The following OR9Q1 variants were observed in gnomAD, a reference collection of about 807,000 sequenced individuals.
The protein encoded by OR9Q1 is olfactory receptor family 9 subfamily Q member 1.
For synonymous variants in OR9Q1, 153 were observed against 148.6 expected, an observed-to-expected ratio of 1.03 and a Z score of -0.22; for missense variants, 374 against 378.8, an observed-to-expected ratio of 0.99 and a Z score of 0.11.
intron 2 of OR9Q1, among the ~76,000 whole-genome samples, chr11:58,132,955 T>G (rs1854155729): frequency 6.6e-6 from 1 of 152,118 alleles, no homozygotes; most frequent in South Asian, 2.1e-4. Context: ...CCAGCTCCTA[T>G]TAATCCAGCT....
At chr11:58,076,654 A>G (rs1052644458) in intron 2 of OR9Q1, among the ~76,000 whole-genome samples, 3 of 152,076 alleles carry the variant, frequency 2.0e-5, no homozygotes, top group African/African-American at 4.8e-5. Flanking sequence ...TTTAATTATT[A>G]TTATTTCTTT....
chr11:58,162,764 G>A (rs1406015698), intron 2 of OR9Q1, among the ~76,000 whole-genome samples: 9 of 152,198 alleles, frequency 5.9e-5, no homozygotes, highest in Admixed American at 5.9e-4. Flanking sequence ...TGTCAGGTGA[G>A]TGACCTTGGG....
At chr11:58,115,049 T>C (rs1853939599) in intron 2 of OR9Q1, among the ~76,000 whole-genome samples, 1 of 152,190 alleles carries the variant, frequency 6.6e-6, no homozygotes, top group Non-Finnish European at 1.5e-5. Flanking sequence ...TTCAGTTTAA[T>C]CACCTGCCTT....
chr11:58,161,785 G>T (rs1279459375), intron 2 of OR9Q1, among the ~76,000 whole-genome samples: 1 of 152,168 alleles, frequency 6.6e-6, no homozygotes, highest in African/African-American at 2.4e-5. Context: ...TCCCACCTGG[G>T]TCTCCCAAAG....
intron 2 of OR9Q1, among the ~76,000 whole-genome samples, chr11:58,140,828 T>G (rs940440709): frequency 1.8e-4 from 27 of 152,198 alleles, no homozygotes; most frequent in Non-Finnish European, 3.1e-4. Context: ...GTGAAGAAAG[T>G]CATTGGTAGC....
intron 2 of OR9Q1, among the ~76,000 whole-genome samples, chr11:58,132,532 G>C (rs1854150890): frequency 6.6e-6 from 1 of 152,184 alleles, no homozygotes; most frequent in Admixed American, 6.5e-5. Context: ...ATTGCTCTGG[G>C]TACTTTATCT....
chr11:58,034,231 G>C (rs1349218296), intron 1 of OR9Q1, among the ~76,000 whole-genome samples: 1 of 151,632 alleles, frequency 6.6e-6, no homozygotes, highest in Non-Finnish European at 1.5e-5. Context: ...GACTACAGGG[G>C]CCCGCCACCA....
intron 1 of OR9Q1, among the ~76,000 whole-genome samples, chr11:58,038,976 A>G (rs746379280): frequency 6.6e-6 from 1 of 151,820 alleles, no homozygotes; most frequent in Non-Finnish European, 1.5e-5. Flanking sequence ...CTTCTTCTTT[A>G]TTTTTAAATT....
At chr11:58,129,388 C>T (rs561011960) in intron 2 of OR9Q1, among the ~76,000 whole-genome samples, 1 of 152,236 alleles carries the variant, frequency 6.6e-6, no homozygotes, top group East Asian at 1.9e-4. Flanking sequence ...CCATTTTTCT[C>T]ATAGAATCAA....
chr11:58,180,190 T>A lies in OR9Q1; in HGVS notation c.746T>A (p.Leu249His). 2 of 1,614,068 alleles carry A rather than the reference T, an allele frequency of 1.2e-6. No individual in the cohort carries two copies. Among genetic ancestry groups the A allele is most frequent in the Non-Finnish European group, 1.7e-6 (2 of 1,179,968 alleles). Reference protein sequence around the residue: ...TCTSHLTAVSLFFGTLIFMYL... With the variant: ...TCTSHLTAVSHFFGTLIFMYL... ...ACCTCCCACCTCACTGCTGTGTCAC[T>A]CTTCTTTGGTACCCTCATCTTCATG... Residue 249 changes from leucine to histidine, a missense_variant, in exon 3 of 3, where the codon CTC (leucine) becomes CAC (histidine). Leu to His is a moderately conservative substitution (Grantham distance 99). Transcript: ENST00000335397.
intron 2 of OR9Q1, among the ~76,000 whole-genome samples, chr11:58,079,006 C>T (rs1304449791): frequency 3.3e-5 from 5 of 152,202 alleles, no homozygotes; most frequent in Non-Finnish European, 7.3e-5. Flanking sequence ...CAGCACTGAT[C>T]CTTGTAGACC....
chr11:58,058,432 G>A (rs761622815), intron 2 of OR9Q1, among the ~76,000 whole-genome samples: 6 of 152,130 alleles, frequency 3.9e-5, no homozygotes, highest in East Asian at 1.9e-4. Flanking sequence ...CTGGCTACAC[G>A]GCTGGGCGCA....
chr11:58,027,559 C>T (rs1852987736), intron 1 of OR9Q1, among the ~76,000 whole-genome samples: 2 of 151,906 alleles, frequency 1.3e-5, no homozygotes, highest in Admixed American at 1.3e-4. Context: ...TAAATCTGAT[C>T]CTTTACAGAA....
intron 2 of OR9Q1, among the ~76,000 whole-genome samples, chr11:58,071,178 C>T (rs1451718437): frequency 6.6e-6 from 1 of 152,124 alleles, no homozygotes; most frequent in Non-Finnish European, 1.5e-5. Context: ...TTTCCTAAGA[C>T]ACTTAATTTT....
At chr11:58,079,129 G>A (rs1336464006) in intron 2 of OR9Q1, among the ~76,000 whole-genome samples, 1 of 152,198 alleles carries the variant, frequency 6.6e-6, no homozygotes, top group African/African-American at 2.4e-5. Flanking sequence ...AGAGGTTGAA[G>A]ATGCAGGGTA....
intron 2 of OR9Q1, among the ~76,000 whole-genome samples, chr11:58,174,353 G>C (rs1017460129): frequency 2.0e-5 from 3 of 152,060 alleles, no homozygotes; most frequent in African/African-American, 7.2e-5. Context: ...CAAGTTAGCC[G>C]AGCCCAAGCC....
chr11:58,173,405 T>G (rs897815467), intron 2 of OR9Q1, among the ~76,000 whole-genome samples: 2 of 151,380 alleles, frequency 1.3e-5, no homozygotes, highest in African/African-American at 4.9e-5. Flanking sequence ...TTTGTCCTTG[T>G]GATAGTTTGC....
intron 2 of OR9Q1, among the ~76,000 whole-genome samples, chr11:58,169,414 G>A (rs1290297547): frequency 2.0e-5 from 3 of 151,804 alleles, no homozygotes; most frequent in Non-Finnish European, 2.9e-5. Context: ...AACTTTTATT[G>A]AGCAGATATC....
At chr11:58,177,088 T>C (rs1391811036) in intron 2 of OR9Q1, among the ~76,000 whole-genome samples, 2 of 152,220 alleles carry the variant, frequency 1.3e-5, no homozygotes, top group Non-Finnish European at 2.9e-5. Context: ...GACACAATCA[T>C]AGCTGCCAAA....
Sources: allele counts gnomAD v4.1 joint callset (sites outside exome capture counted in the v4.1 genomes callset), GRCh38; gene constraint gnomAD v4.1.1; transcripts MANE v1.5; gene names NCBI Gene and HGNC (gene_info 2026-07-23, HGNC 2026-07-21).